The following STMP1 variants were observed in gnomAD, a reference collection of about 807,000 sequenced individuals.
The protein encoded by STMP1 is mitolamban.
STMP1 carries 7 observed loss-of-function variants against 7.0 expected under a neutral mutation model. That is an observed-to-expected ratio of 1.01 (90% CI 0.57 to 1.89). STMP1 has a LOEUF of 1.89. Among genes scored for constraint, STMP1 ranks in the 40% most tolerant of loss-of-function variants. STMP1 has a pLI of 0.00. For synonymous variants in STMP1, 19 were observed against 18.4 expected (o/e 1.03, Z -0.08); for missense variants, 45 against 53.0 (o/e 0.85, Z 0.47).
In STMP1 at chr7:135,674,211, T is replaced by G; in HGVS notation, c.*46T>G. On this transcript the variant is annotated 3_prime_UTR_variant, in exon 3 of 3. Coordinates refer to ENST00000507606, the MANE Select transcript of STMP1 (RefSeq NM_001130929.2). ...TCAGGATATACTGATTCTACTGCTC[T>G]TGAGGGCCTCGTTTACTATCTGAAC... is the stretch of plus-strand genomic sequence containing the variant. The G allele has an allele frequency of 1.4e-6, 2 of 1,382,882 alleles. No homozygotes were observed. Among genetic ancestry groups the G allele is most frequent in the Non-Finnish European group, 2.0e-6 (2 of 1,018,252 alleles). 85.7% of individuals were successfully genotyped at this position (1,382,882 alleles called of 1,614,324 possible).
At chr7:135,672,273 C>T (rs959815636) in intron 1 of STMP1, among the ~76,000 whole-genome samples, 4 of 152,116 alleles carry the variant, frequency 2.6e-5, no homozygotes, top group East Asian at 1.9e-4. Context: ...CCTCTGTGCC[C>T]GGCCTTGACT....
At chr7:135,668,923 A>T (rs1212291246) in intron 1 of STMP1, among the ~76,000 whole-genome samples, 1 of 152,220 alleles carries the variant, frequency 6.6e-6, no homozygotes, top group East Asian at 1.9e-4. Context: ...GCTGATAAAG[A>T]CATACCCGAG....
Position 135,674,233 on chromosome 7 carries a change from G to T in STMP1, c.*68G>T. 8.4e-7 allele frequency: 1 copy of T among 1,194,218 alleles called. No individual in the cohort carries two copies. The highest frequency in any genetic ancestry group is 1.5e-5 in the South Asian group (1 of 68,630). 74.0% of individuals were successfully genotyped at this position (1,194,218 alleles called of 1,614,324 possible). ...CTCTTGAGGGCCTCGTTTACTATCT[G>T]AACCAAAAGCTTTTGTTTTCGTCTC... is the stretch of plus-strand genomic sequence containing the variant. On this transcript the variant is annotated 3_prime_UTR_variant, in exon 3 of 3. Coordinates refer to ENST00000507606, the MANE Select transcript of STMP1 (RefSeq NM_001130929.2).
intron 1 of STMP1, among the ~76,000 whole-genome samples, chr7:135,671,787 C>T (rs1469817355): frequency 6.6e-6 from 1 of 152,148 alleles, no homozygotes; most frequent in African/African-American, 2.4e-5. Context: ...AGAGTTTTCT[C>T]TTCTTTTCTG....
rs957908784 is a variant in STMP1 at position 135,675,755 on chromosome 7, A to T, written c.*1590A>T. The T allele has an allele frequency of 5.9e-5, 9 of 152,148 alleles. No individual in the cohort carries two copies. The allele number at this position is 152,148 out of a possible 1,614,324, so 9.4% of individuals were successfully genotyped here. ...TCAGAGCATCTTTTTTCAGACAGTG[A>T]TGACATTGATTCTGTATATGATAAA... is the stretch of plus-strand genomic sequence containing the variant. On this transcript the variant is annotated 3_prime_UTR_variant, in exon 3 of 3. Transcript: ENST00000507606.
In STMP1 at chr7:135,674,501, A is replaced by C; in HGVS notation, c.*336A>C. 4.9e-6 allele frequency: 1 copy of C among 204,130 alleles called. No individual in the cohort carries two copies. The highest frequency in any genetic ancestry group is 9.8e-6 in the Non-Finnish European group (1 of 102,052). 12.6% of individuals were successfully genotyped at this position (204,130 alleles called of 1,614,324 possible). ...TTTACTACCTTTTTTCAAAAGAAAA[A>C]TTGATGAGTTTTGTATAGCTGGTCA... On this transcript the variant is annotated 3_prime_UTR_variant, in exon 3 of 3. Transcript: ENST00000507606.
At chr7:135,663,993 T>C (rs530577425) in intron 1 of STMP1, among the ~76,000 whole-genome samples, 57 of 152,320 alleles carry the variant, frequency 3.7e-4, no homozygotes, top group African/African-American at 1.3e-3. Flanking sequence ...ATGCACCCCT[T>C]TTGTCCTTTT....
chr7:135,672,851 T>C, intron 2 of STMP1, 45 bp downstream of exon 2: 1 of 1,477,542 alleles, frequency 6.8e-7, no homozygotes, highest in South Asian at 1.2e-5. Flanking sequence ...TGTAACTGTT[T>C]TAGAGTGACT....
chr7:135,675,922 CTTT>C lies in STMP1; in HGVS notation c.*1775_*1777del, dbSNP rs1177437643. 8 of 120,084 alleles carry C rather than the reference CTTT, an allele frequency of 6.7e-5. No individual in the cohort carries two copies. Among genetic ancestry groups the C allele is most frequent in the Non-Finnish European group, 8.9e-5 (5 of 56,472 alleles). 7.4% of individuals were successfully genotyped at this position (120,084 alleles called of 1,614,324 possible). ...TAGCAGCGTGATCATGGGCAAGTGG[CTTT>C]TTTTTTTTTTTTTTTTTGAGACAGA... On this transcript the variant is annotated 3_prime_UTR_variant, in exon 3 of 3. Coordinates refer to ENST00000507606, the MANE Select transcript of STMP1 (RefSeq NM_001130929.2).
At chr7:135,664,965 C>G (rs182552621) in intron 1 of STMP1, among the ~76,000 whole-genome samples, 1 of 152,274 alleles carries the variant, frequency 6.6e-6, no homozygotes, top group East Asian at 1.9e-4. Flanking sequence ...CGTGGGTGGG[C>G]TATTGAAATT....
At chr7:135,672,680 TGTATTTTA>T in intron 1 of STMP1, 65 bp from the exon 2 acceptor site, 1 of 1,071,262 alleles carries the variant, frequency 9.3e-7, no homozygotes, top group South Asian at 1.4e-5. Flanking sequence ...ATATTGTCTA[TGTATTTTA>T]GTTTGGAATC....
intron 1 of STMP1, 105 bp downstream of exon 1, chr7:135,662,699 TC>T: frequency 7.5e-7 from 1 of 1,342,036 alleles, no homozygotes; most frequent in Non-Finnish European, 1.0e-6. Context: ...TGGGCGTGGG[TC>T]CAGCGGTCCC....
rs886722995 is a variant in STMP1, at chr7:135,675,327, A to G, written c.*1162A>G. The G allele has an allele frequency of 2.0e-5, 3 of 152,098 alleles. No individual in the cohort carries two copies. Among genetic ancestry groups the G allele is most frequent in the African/African-American group, 7.2e-5 (3 of 41,434 alleles). The allele number at this position is 152,098 out of a possible 1,614,324, so 9.4% of individuals were successfully genotyped here. ...TGCCTAAACAAACACGTGTAACACA[A>G]ATAGTAACTATACATGGAGGTCTAG... On this transcript the variant is annotated 3_prime_UTR_variant, in exon 3 of 3. Transcript: ENST00000507606.
intron 1 of STMP1, among the ~76,000 whole-genome samples, chr7:135,666,182 C>T (rs1452953730): frequency 6.6e-6 from 1 of 152,154 alleles, no homozygotes; most frequent in African/African-American, 2.4e-5. Context: ...ATTTACCCAC[C>T]TCGGTCTCCC....
chr7:135,663,503 C>T (rs765982713), intron 1 of STMP1, among the ~76,000 whole-genome samples: 1 of 151,954 alleles, frequency 6.6e-6, no homozygotes, highest in Non-Finnish European at 1.5e-5. Context: ...CACCAGGATG[C>T]TCAGCTAATT....
intron 1 of STMP1, among the ~76,000 whole-genome samples, chr7:135,670,713 A>G (rs1795348242): frequency 6.6e-6 from 1 of 152,220 alleles, no homozygotes; most frequent in Non-Finnish European, 1.5e-5. Context: ...TAAAATAATC[A>G]TGAGTTTTTT....
intron 1 of STMP1, among the ~76,000 whole-genome samples, chr7:135,667,078 G>A (rs1398496237): frequency 6.6e-6 from 1 of 152,206 alleles, no homozygotes; most frequent in Non-Finnish European, 1.5e-5. Flanking sequence ...TGGGTGTGAT[G>A]TAGTTCCTCA....
At chr7:135,672,071 C>T (rs961718922) in intron 1 of STMP1, among the ~76,000 whole-genome samples, 1 of 152,170 alleles carries the variant, frequency 6.6e-6, no homozygotes, top group Admixed American at 6.5e-5. Flanking sequence ...CCTCTGCCTC[C>T]CGGTTTCAAG....
chr7:135,672,660 T>A, intron 1 of STMP1, 93 bp from the exon 2 acceptor site: 4 of 927,946 alleles, frequency 4.3e-6, no homozygotes, highest in Non-Finnish European at 6.8e-6. Flanking sequence ...GTCCTAAGCT[T>A]CTTAGGAAGA....
Sources: allele counts gnomAD v4.1 joint callset (sites outside exome capture counted in the v4.1 genomes callset), GRCh38; gene constraint gnomAD v4.1.1; transcripts MANE v1.5; gene names NCBI Gene and HGNC (gene_info 2026-07-23, HGNC 2026-07-21).